The following NOX4 variants were observed in gnomAD, a reference collection of about 807,000 sequenced individuals.
NOX4 encodes the protein kidney oxidase-1.
A neutral mutation model predicts 87.6 loss-of-function variants in NOX4; 69 were observed. The ratio of observed to expected loss-of-function variants is 0.79; its 90% CI spans 0.65 to 0.96. The LOEUF (loss-of-function observed/expected upper bound fraction) is 0.96, where lower values mean the gene tolerates loss of function less well. NOX4 is among the 40% of genes least tolerant of loss of function. The pLI, the probability that NOX4 is intolerant of heterozygous loss-of-function variation, is 0.00. For synonymous variants in NOX4, 275 were observed against 238.2 expected (o/e 1.15, Z -1.42); for missense variants, 680 against 681.5 (o/e 1.00, Z 0.02).
upstream of NOX4, among the ~76,000 whole-genome samples, chr11:89,495,978 T>C (rs1362255284): frequency 2.0e-5 from 3 of 151,706 alleles, no homozygotes; most frequent in Non-Finnish European, 4.4e-5. Flanking sequence ...ACTGGTAGAG[T>C]GGGTAAAAGA....
chr11:89,528,585 C>A, the NOX4 span, among the ~76,000 whole-genome samples: 114 of 152,262 alleles, frequency 7.5e-4, no homozygotes, highest in Middle Eastern at 6.8e-3. Flanking sequence ...CTTATGAGAT[C>A]TGATGGTTTT....
chr11:89,492,595 T>C (rs916022827), upstream of NOX4, among the ~76,000 whole-genome samples: 31 of 152,364 alleles, frequency 2.0e-4, no homozygotes, highest in African/African-American at 7.2e-4. Context: ...AATTTTCTAA[T>C]AGCCTGTTTT....
At chr11:89,384,225 T>C (rs143739849) in intron 11 of NOX4, among the ~76,000 whole-genome samples, 1,549 of 152,238 alleles carry the variant, frequency 0.01, 10 homozygotes, top group Middle Eastern at 0.027. Context: ...AACCCATTAT[T>C]CTGTTTTGGA....
intron 8 of NOX4, among the ~76,000 whole-genome samples, chr11:89,420,300 A>G (rs956338095): frequency 6.6e-6 from 1 of 152,182 alleles, no homozygotes; most frequent in African/African-American, 2.4e-5. Context: ...AGCATAGAGT[A>G]AGCATTATGT....
rs1946479978 is a variant in NOX4, at chr11:89,483,633, T to A, written c.153+6825A>T. ...TGGGAGGGGGTTGGGTAGCTGTTAT[T>A]CAAAGGATACAAAATTTCAGATAGA... is the stretch of plus-strand genomic sequence containing the variant. On this transcript the variant is annotated intron_variant, in intron 2 of 17. Transcript: ENST00000263317. 3.4e-5 allele frequency among the ~76,000 whole-genome samples: 5 copies of A among 148,978 alleles called. No individual in the cohort carries two copies. The South Asian group carries it at 1.1e-3, about 32-fold the overall frequency.
chr11:89,430,730 C>T (rs1373054131), intron 7 of NOX4, among the ~76,000 whole-genome samples: 2 of 152,160 alleles, frequency 1.3e-5, no homozygotes, highest in African/African-American at 4.8e-5. Context: ...GAAGAACATT[C>T]CATGCTCAGG....
chr11:89,480,605 C>T (rs1313310919), intron 2 of NOX4, among the ~76,000 whole-genome samples: 1 of 152,016 alleles, frequency 6.6e-6, no homozygotes, highest in Non-Finnish European at 1.5e-5. Flanking sequence ...GAATAGACTT[C>T]ATGTTAGGTG....
At chr11:89,373,598 A>G in intron 11 of NOX4, 106 bp from the exon 12 acceptor site, 1 of 711,090 alleles carries the variant, frequency 1.4e-6, no homozygotes, top group Non-Finnish European at 2.5e-6. Context: ...ATCAATAGAT[A>G]ACAGGAAGGA....
At chr11:89,567,340 C>A in the NOX4 span, among the ~76,000 whole-genome samples, 31 of 152,146 alleles carry the variant, frequency 2.0e-4, no homozygotes, top group African/African-American at 7.5e-4. Context: ...CACTGCTTTG[C>A]CCCCAAGCAC....
chr11:89,516,632 T>A, the NOX4 span, among the ~76,000 whole-genome samples: 2 of 152,264 alleles, frequency 1.3e-5, no homozygotes, highest in African/African-American at 4.8e-5. Flanking sequence ...TGACTGCATT[T>A]CTTACTAGGA....
At chr11:89,554,642 C>T in the NOX4 span, among the ~76,000 whole-genome samples, 3 of 152,128 alleles carry the variant, frequency 2.0e-5, no homozygotes, top group African/African-American at 7.2e-5. Flanking sequence ...AATTCGGTAT[C>T]TCATCTTTAG....
intron 12 of NOX4, among the ~76,000 whole-genome samples, chr11:89,360,324 C>T (rs1938422942): frequency 6.6e-6 from 1 of 151,974 alleles, no homozygotes; most frequent in South Asian, 2.1e-4. Flanking sequence ...GACACCGTTG[C>T]CAAGTAGATC....
the NOX4 span, among the ~76,000 whole-genome samples, chr11:89,519,780 G>A: frequency 6.6e-6 from 1 of 151,962 alleles, no homozygotes; most frequent in Non-Finnish European, 1.5e-5. Flanking sequence ...TATATTCAGA[G>A]TCTCACCAAT....
the NOX4 span, among the ~76,000 whole-genome samples, chr11:89,560,924 T>C: frequency 6.9e-6 from 1 of 144,190 alleles, no homozygotes; most frequent in Non-Finnish European, 1.5e-5. Flanking sequence ...AAGCCTGTCA[T>C]GGGAGCTAAT....
intron 5 of NOX4, 49 bp downstream of exon 5, chr11:89,444,086 G>C (rs772444057): frequency 2.0e-6 from 3 of 1,500,902 alleles, no homozygotes; most frequent in Non-Finnish European, 2.8e-6. Context: ...ACCCTCATTA[G>C]TCATCTCATG....
At chr11:89,491,608 G>C (rs1946860009), upstream of NOX4, 2 of 273,678 alleles carry the variant, frequency 7.3e-6, no homozygotes, top group Non-Finnish European at 1.4e-5. Flanking sequence ...GGATGTCCCG[G>C]GTGGGAACTT....
chr11:89,423,296 G>A (rs1943186510), intron 7 of NOX4, among the ~76,000 whole-genome samples: 1 of 152,052 alleles, frequency 6.6e-6, no homozygotes, highest in African/African-American at 2.4e-5. Context: ...TTTTTTATAA[G>A]TAGGATGGGG....
intron 11 of NOX4, among the ~76,000 whole-genome samples, chr11:89,396,221 T>A (rs919299682): frequency 3.9e-5 from 6 of 152,180 alleles, no homozygotes; most frequent in African/African-American, 1.2e-4. Context: ...GTCCTTCAGA[T>A]CCCTTGTAAG....
chr11:89,468,481 T>C (rs1945798939), intron 2 of NOX4, among the ~76,000 whole-genome samples: 1 of 152,176 alleles, frequency 6.6e-6, no homozygotes, highest in African/African-American at 2.4e-5. Context: ...ACGGATGCTA[T>C]CTGCTAATTT....
Sources: allele counts gnomAD v4.1 joint callset (sites outside exome capture counted in the v4.1 genomes callset), GRCh38; gene constraint gnomAD v4.1.1; transcripts MANE v1.5; gene names NCBI Gene and HGNC (gene_info 2026-07-23, HGNC 2026-07-21).